The following OR51B5 variants were observed in gnomAD, a reference collection of about 807,000 sequenced individuals.
OR51B5 encodes the protein olfactory receptor family 51 subfamily B member 5.
For missense variants in OR51B5, 456 were observed against 374.6 expected, an observed-to-expected ratio of 1.22 and a Z score of -1.79; for synonymous variants, 186 against 144.8, an observed-to-expected ratio of 1.28 and a Z score of -2.04.
intron 1 of OR51B5, among the ~76,000 whole-genome samples, chr11:5,500,352 G>T (rs1371461288): frequency 6.6e-6 from 1 of 152,178 alleles, no homozygotes; most frequent in Non-Finnish European, 1.5e-5. Context: ...ATGAGAATCT[G>T]ATTTTCAGTT....
chr11:5,478,213 G>A (rs12793740), intron 1 of OR51B5, among the ~76,000 whole-genome samples: 38,538 of 151,832 alleles, frequency 0.25, 5,950 homozygotes, highest in Non-Finnish European at 0.35. Context: ...CCTGAACCCC[G>A]AGCAGCCTAA....
At chr11:5,359,519 C>T (rs1438897779) in intron 1 of OR51B5, among the ~76,000 whole-genome samples, 1 of 131,246 alleles carries the variant, frequency 7.6e-6, no homozygotes, top group Non-Finnish European at 1.7e-5. Flanking sequence ...GAAGAACATT[C>T]CATGCTCATG....
intron 1 of OR51B5, among the ~76,000 whole-genome samples, chr11:5,394,697 T>C (rs1849841857): frequency 6.6e-6 from 1 of 152,252 alleles, no homozygotes; most frequent in South Asian, 2.1e-4. Context: ...TGAATGATAG[T>C]GCAGACATTA....
chr11:5,469,116 T>G, intron 1 of OR51B5: 1 of 230,124 alleles, frequency 4.3e-6, no homozygotes, highest in South Asian at 5.8e-5. Flanking sequence ...ATGAAGAACG[T>G]CTGGGCCAGG....
intron 1 of OR51B5, among the ~76,000 whole-genome samples, chr11:5,465,469 T>C (rs61892074): frequency 2.6e-5 from 4 of 151,940 alleles, no homozygotes; most frequent in East Asian, 1.9e-4. Flanking sequence ...TTAAAGTTCA[T>C]ATGGAACCAA....
At chr11:5,400,927 G>C (rs1319942634) in intron 1 of OR51B5, among the ~76,000 whole-genome samples, 1 of 152,202 alleles carries the variant, frequency 6.6e-6, no homozygotes, top group South Asian at 2.1e-4. Flanking sequence ...ACAAGAATCA[G>C]ATTTTCAGCA....
At chr11:5,375,534 C>A (rs1009157137) in intron 1 of OR51B5, among the ~76,000 whole-genome samples, 3 of 151,942 alleles carry the variant, frequency 2.0e-5, no homozygotes, top group Non-Finnish European at 4.4e-5. Flanking sequence ...CACAGACTGG[C>A]AAATTGGATA....
In OR51B5 at chr11:5,403,022, C is replaced by G. The variant is rs1222107718; in HGVS notation, n.85-56112G>C. ...AGCTACACAGCTATCCTGACACTGC[C>G]CAGGGTCTTTGGCACAGGAGCTATT... On this transcript the variant is annotated intron_variant and non_coding_transcript_variant, in intron 1 of 4. Transcript: ENST00000415970. 3 of 471,566 alleles carry G rather than the reference C, an allele frequency of 6.4e-6. No homozygotes were observed. The Admixed American group carries it at 7.0e-5, about 11-fold the overall frequency. 29.2% of individuals were successfully genotyped at this position (471,566 alleles called of 1,614,324 possible).
chr11:5,495,507 T>C (rs1482672637), intron 1 of OR51B5, among the ~76,000 whole-genome samples: 1 of 152,242 alleles, frequency 6.6e-6, no homozygotes, highest in Non-Finnish European at 1.5e-5. Context: ...GTATGCAATT[T>C]AACTTAGGTT....
chr11:5,371,767 A>C (rs1849451940), intron 1 of OR51B5, among the ~76,000 whole-genome samples: 1 of 152,132 alleles, frequency 6.6e-6, no homozygotes, highest in Non-Finnish European at 1.5e-5. Context: ...TCTTTGTGTA[A>C]GGGCATCTAA....
chr11:5,476,169 A>C (rs1851301956), intron 1 of OR51B5, among the ~76,000 whole-genome samples: 1 of 152,234 alleles, frequency 6.6e-6, no homozygotes, highest in Non-Finnish European at 1.5e-5. Flanking sequence ...ATGACATCTC[A>C]GTGGATTATA....
intron 1 of OR51B5, among the ~76,000 whole-genome samples, chr11:5,401,903 TTCTTTC>T (rs1294892538): frequency 7.1e-5 from 10 of 141,566 alleles, no homozygotes; most frequent in African/African-American, 2.9e-4. Context: ...TTCCTTCCTT[TTCTTTC>T]TCTCTCTCTC....
At chr11:5,472,770 T>A (rs1013012721) in intron 1 of OR51B5, among the ~76,000 whole-genome samples, 4 of 152,232 alleles carry the variant, frequency 2.6e-5, no homozygotes, top group African/African-American at 9.6e-5. Context: ...AGAGCTGAAC[T>A]GAATCCTAGA....
chr11:5,357,598 C>T (rs11036985), intron 1 of OR51B5, among the ~76,000 whole-genome samples: 35,065 of 151,294 alleles, frequency 0.23, 4,285 homozygotes, highest in Non-Finnish European at 0.26. Flanking sequence ...AGAAAGTTAA[C>T]AAGGATATCC....
chr11:5,396,414 T>C (rs1339243990), intron 1 of OR51B5, among the ~76,000 whole-genome samples: 1 of 152,228 alleles, frequency 6.6e-6, no homozygotes, highest in East Asian at 1.9e-4. Flanking sequence ...CAAGCATTCT[T>C]ATACACCAAT....
intron 1 of OR51B5, among the ~76,000 whole-genome samples, chr11:5,385,081 T>C (rs1324992654): frequency 3.3e-5 from 5 of 152,214 alleles, no homozygotes; most frequent in Admixed American, 2.0e-4. Flanking sequence ...CAATTACTCA[T>C]TGTATACTGA....
At chr11:5,370,943 T>C (rs761745737) in intron 1 of OR51B5, among the ~76,000 whole-genome samples, 4 of 152,202 alleles carry the variant, frequency 2.6e-5, no homozygotes, top group Non-Finnish European at 4.4e-5. Flanking sequence ...CCTGGAGCTC[T>C]GGTTCAATGA....
chr11:5,407,511 C>T (rs1850076295), intron 1 of OR51B5, among the ~76,000 whole-genome samples: 1 of 152,158 alleles, frequency 6.6e-6, no homozygotes, highest in African/African-American at 2.4e-5. Flanking sequence ...ATGTGCTTCC[C>T]ATTTTCATTT....
intron 1 of OR51B5, among the ~76,000 whole-genome samples, chr11:5,478,219 C>T (rs1851348575): frequency 6.6e-6 from 1 of 152,020 alleles, no homozygotes; most frequent in African/African-American, 2.4e-5. Flanking sequence ...CCCCGAGCAG[C>T]CTAACTGGGA....
Sources: allele counts gnomAD v4.1 joint callset (sites outside exome capture counted in the v4.1 genomes callset), GRCh38; gene constraint gnomAD v4.1.1; transcripts MANE v1.5; gene names NCBI Gene and HGNC (gene_info 2026-07-23, HGNC 2026-07-21).